PFAS: variants seen among roughly 807,000 people sequenced by gnomAD.
PFAS encodes FGAM synthase.
A neutral mutation model predicts 140.6 loss-of-function variants in PFAS; 97 were observed. The observed-to-expected ratio is 0.69, with a 90% CI of 0.59 to 0.82. The LOEUF (loss-of-function observed/expected upper bound fraction) is 0.82. PFAS is among the 40% of genes least tolerant of loss of function. The pLI is 0.00. For synonymous variants in PFAS, 679 were observed against 718.8 expected, an observed-to-expected ratio of 0.94 and a Z score of 0.88; for missense variants, 1,656 against 1,780.2, an observed-to-expected ratio of 0.93 and a Z score of 1.26.
intron 11 of PFAS, among the ~76,000 whole-genome samples, chr17:8,261,290 G>A (rs2151587309): frequency 6.6e-6 from 1 of 151,484 alleles, no homozygotes. Context: ...AGGCTGGAGT[G>A]CAATGGCGCA....
chr17:8,269,074 G>A lies in PFAS; in HGVS notation c.3827G>A (p.Gly1276Glu). ...PTEQYPLNPN[G>E]SPGGVAGICS... ...GAGCAGTACCCTCTGAATCCCAATG[G>A]GTCCCCAGGGGGCGTGGCTGGCATC... Residue 1276 changes from glycine (G) to glutamate (E), a missense_variant, in exon 28 of 28, where the codon GGG becomes GAG. By Grantham distance (98) the Gly-to-Glu change is moderately conservative. Transcript: ENST00000314666. The A allele has an allele frequency of 6.2e-7, 1 of 1,614,180 alleles. No homozygotes were observed. The highest frequency in any genetic ancestry group is 1.3e-5 in the African/African-American group (1 of 75,048).
chr17:8,268,991 G>C lies in PFAS; in HGVS notation c.3744G>C (p.Gln1248His). 1 of 1,614,210 alleles carries C rather than the reference G, an allele frequency of 6.2e-7. No homozygotes were observed. Among genetic ancestry groups the C allele is most frequent in the Non-Finnish European group, 8.5e-7 (1 of 1,180,026 alleles). The stretch of plus-strand genomic sequence containing the variant: ...TTTCTTCTCCGGAACTCCAAGCTCA[G>C]ATTGAGGCCAGGGGCTTGGCTCCAC... ...VAFSSPELQA[Q>H]IEARGLAPLH... Residue 1248 changes from glutamine to histidine, a missense_variant, in exon 28 of 28, where the codon CAG becomes CAC. Coordinates refer to ENST00000314666, the MANE Select transcript of PFAS (RefSeq NM_012393.3).
Position 8,255,640 on chromosome 17 carries a change from A to G in PFAS, c.523A>G (p.Asn175Asp), listed in dbSNP as rs528011811. Reference protein sequence around the residue: ...SMPEPLNGPINILGEGRLALE... With the variant: ...SMPEPLNGPIDILGEGRLALE... ...GCCGGAACCCCTCAATGGCCCTATC[A>G]ATATACTGGGTGAGGGCCGGCTTGC... Residue 175 changes from asparagine (N) to aspartate (D), a missense_variant, in exon 5 of 28, where the codon AAT (asparagine) becomes GAT (aspartate). By Grantham distance (23) the Asn-to-Asp change is conservative. Around this residue, in one of 2 missense-constraint regions of PFAS, gnomAD observed 773 missense variants for 757.3 expected, o/e 1.02. Transcript: ENST00000314666. The G allele has an allele frequency of 1.2e-4, 193 of 1,582,888 alleles. 3 individuals carry two copies. In the South Asian group the frequency reaches 2.1e-3, roughly 17 times the overall value.
At position 8,269,120 on chromosome 17, in the gene PFAS, C is replaced by T. The variant is rs1055677447; in HGVS notation, c.3873C>T (p.His1291=). 7.4e-6 allele frequency: 12 copies of T among 1,614,076 alleles called. No homozygotes were observed. Among genetic ancestry groups the T allele is most frequent in the Non-Finnish European group, 9.3e-6 (11 of 1,180,030 alleles). The change falls in exon 28 of 28, where the codon CAC becomes CAT. Residue 1291 remains histidine, a synonymous_variant. Coordinates refer to ENST00000314666, the MANE Select transcript of PFAS (RefSeq NM_012393.3). ...GCATCTGCTCCTGTGATGGCCGCCA[C>T]CTGGCTGTCATGCCTCACCCTGAGC... ...VAGICSCDGR[H]LAVMPHPERA... is the part of the protein sequence containing the mutation.
rs1989730401 is a variant in PFAS, at chr17:8,264,501, T to C, written c.1949T>C (p.Leu650Pro). 1 of 1,613,816 alleles carries C rather than the reference T, an allele frequency of 6.2e-7. No individual in the cohort carries two copies. Among genetic ancestry groups the C allele is most frequent in the Non-Finnish European group, 8.5e-7 (1 of 1,179,912 alleles). Reference protein sequence around the residue: ...EFFLQRKPPMLQPLALPPGLS... With the variant: ...EFFLQRKPPMPQPLALPPGLS... ...TTCCTGCAGAGGAAGCCCCCCATGC[T>C]GCAGCCTCTGGCCTTGCCCCCAGGG... The change falls in exon 17 of 28, where the codon CTG becomes CCG. Residue 650 changes from leucine to proline, a missense_variant. Around this residue, in one of 2 missense-constraint regions of PFAS, gnomAD observed 883 missense variants for 1,023.0 expected, o/e 0.86. Coordinates refer to ENST00000314666, the MANE Select transcript of PFAS (RefSeq NM_012393.3).
Position 8,267,691 on chromosome 17 carries a change from CCCTT to C in PFAS, c.3382+29_3382+32del, listed in dbSNP as rs1269795157. ...GTCAGTGTGCAGGCTTCTGCCCACT[CCCTT>C]CCCCCACATTCCTGAAGAGGTGCCT... On this transcript the variant is annotated intron_variant, in intron 26 of 27. Coordinates refer to ENST00000314666, the MANE Select transcript of PFAS (RefSeq NM_012393.3). The surrounding 1 kb of genome is among the most constrained non-coding windows in gnomAD (Gnocchi z 4.9). 7 of 1,275,942 alleles carry C rather than the reference CCCTT, an allele frequency of 5.5e-6. No individual in the cohort carries two copies. Among genetic ancestry groups the C allele is most frequent in the Admixed American group, 3.5e-5 (2 of 56,656 alleles). 79.0% of individuals were successfully genotyped at this position (1,275,942 alleles called of 1,614,324 possible).
rs758967993 is a variant in PFAS at position 8,265,580 on chromosome 17, C to T, written c.2486C>T (p.Ala829Val). The change falls in exon 20 of 28, where the codon GCC becomes GTC. Residue 829 changes from alanine (A) to valine (V), a missense_variant. By Grantham distance (64) the Ala-to-Val change is moderately conservative. Around this residue, in one of 2 missense-constraint regions of PFAS, gnomAD observed 883 missense variants for 1,023.0 expected, o/e 0.86. Transcript: ENST00000314666. ...GGGTCACTGGTCATCTCAGCCTATG[C>T]CGTCTGCCCAGACATCACAGCCACT... ...APGSLVISAY[A>V]VCPDITATVT... is the part of the protein sequence containing the mutation. 5 of 1,614,060 alleles carry T rather than the reference C, an allele frequency of 3.1e-6. No individual in the cohort carries two copies. In the East Asian group the frequency reaches 1.1e-4, roughly 36 times the overall value.
At chr17:8,263,980 TGA>T in intron 15 of PFAS, 44 bp downstream of exon 15, 1 of 1,599,716 alleles carries the variant, frequency 6.3e-7, no homozygotes, top group Non-Finnish European at 8.5e-7. Flanking sequence ...GGGGCAGACA[TGA>T]GCCACCTGGG....
At chr17:8,259,933 T>C (rs914774417) in intron 11 of PFAS, among the ~76,000 whole-genome samples, 2 of 152,142 alleles carry the variant, frequency 1.3e-5, no homozygotes, top group African/African-American at 2.4e-5. Flanking sequence ...AAACCCCCTC[T>C]CTGCCAAAAA....
In PFAS at chr17:8,264,282, T is replaced by C. The variant is rs11078738; in HGVS notation, c.1862T>C (p.Leu621Pro). Reference protein sequence around the residue: ...NGQGDAPPTPLPTPVDLELEW... With the variant: ...NGQGDAPPTPPPTPVDLELEW... ...CAGGGGGATGCCCCCCCGACACCCC[T>C]GCCAACCCCTGTGGACCTGGAGCTC... is the stretch of plus-strand genomic sequence containing the variant. Residue 621 changes from leucine (L) to proline (P), a missense_variant, in exon 16 of 28, where the codon CTG becomes CCG. Leu to Pro is a moderately conservative substitution (Grantham distance 98). Around this residue, in one of 2 missense-constraint regions of PFAS, gnomAD observed 883 missense variants for 1,023.0 expected, o/e 0.86. Coordinates refer to ENST00000314666, the MANE Select transcript of PFAS (RefSeq NM_012393.3). 1,145,621 of 1,613,322 alleles carry C rather than the reference T, an allele frequency of 0.71. 416,567 individuals are homozygous for C. The highest frequency in any genetic ancestry group is 0.76 in the Non-Finnish European group (893,746 of 1,179,624).
rs2151597669 is a variant in PFAS at position 8,267,973 on chromosome 17, ATATAT to A, written c.3382+312_3382+316del. On this transcript the variant is annotated intron_variant, in intron 26 of 27. Coordinates refer to ENST00000314666, the MANE Select transcript of PFAS (RefSeq NM_012393.3). This position sits in a 1 kb window ranked among gnomAD's most constrained non-coding sequence, Gnocchi z 4.9. The stretch of plus-strand genomic sequence containing the variant: ...TATTATTAAAATATATATTATTTAT[ATATAT>A]TATTTATATATTATTAAAATATATT... Among the ~76,000 whole-genome samples, 1 of 143,908 alleles carries A rather than the reference ATATAT, an allele frequency of 6.9e-6. No individual in the cohort carries two copies. Among genetic ancestry groups the A allele is most frequent in the African/African-American group, 2.5e-5 (1 of 39,574 alleles). 94.4% of individuals were successfully genotyped at this position (143,908 alleles called of 152,430 possible).
chr17:8,267,068 C>T lies in PFAS; in HGVS notation c.3008C>T (p.Pro1003Leu), dbSNP rs952778856. The T allele has an allele frequency of 1.2e-6, 2 of 1,613,898 alleles. No homozygotes were observed. Among genetic ancestry groups the T allele is most frequent in the African/African-American group, 1.3e-5 (1 of 74,904 alleles). The change falls in exon 24 of 28, where the codon CCT becomes CTT. Residue 1003 changes from proline to leucine, a missense_variant. Around this residue, in one of 2 missense-constraint regions of PFAS, gnomAD observed 883 missense variants for 1,023.0 expected, o/e 0.86. Coordinates refer to ENST00000314666, the MANE Select transcript of PFAS (RefSeq NM_012393.3). This position sits in a 1 kb window ranked among gnomAD's most constrained non-coding sequence, Gnocchi z 4.9. Reference sequence around the variant, plus strand: ...AACGGGGCTGTGGTTCTGGAGGAGCCTGTTGGGGAGCTGCGAGCCCTCTGG... The same window carrying T: ...AACGGGGCTGTGGTTCTGGAGGAGCTTGTTGGGGAGCTGCGAGCCCTCTGG... ...SVNGAVVLEE[P>L]VGELRALWEE...
chr17:8,255,412 C>A, intron 4 of PFAS, 90 bp from the exon 5 acceptor site: 1 of 1,030,840 alleles, frequency 9.7e-7, no homozygotes, highest in African/African-American at 1.6e-5. Context: ...AGTGGGCTAG[C>A]CTTGCATGAC....
chr17:8,260,284 G>A (rs1989540788), intron 11 of PFAS, among the ~76,000 whole-genome samples: 2 of 152,222 alleles, frequency 1.3e-5, no homozygotes, highest in Admixed American at 1.3e-4. Context: ...GATGCCACTA[G>A]GCAATAGGAA....
chr17:8,251,141 C>T (rs1455959523), intron 1 of PFAS, among the ~76,000 whole-genome samples: 8 of 152,082 alleles, frequency 5.3e-5, no homozygotes, highest in South Asian at 2.1e-4. Flanking sequence ...CAAAAATTAG[C>T]TGGTCATGGT....
upstream of PFAS, among the ~76,000 whole-genome samples, chr17:8,248,651 G>A (rs1316278354): frequency 3.3e-5 from 5 of 151,742 alleles, no homozygotes; most frequent in East Asian, 7.7e-4. Context: ...TCGACCTCCC[G>A]GGCTCAAGCG....
In PFAS at chr17:8,257,866, C is replaced by T. The variant is rs529280023; in HGVS notation, c.1135C>T (p.Leu379=). 6.2e-7 allele frequency: 1 copy of T among 1,614,174 alleles called. No homozygotes were observed. The highest frequency in any genetic ancestry group is 8.5e-7 in the Non-Finnish European group (1 of 1,180,008). ...FQYPGNFARP[L]EVAIEASNGA... ...GTATCCTGGGAATTTTGCCCGGCCCCTGGAGGTTGCCATTGAAGCCAGTAA... is the reference window on the plus strand; with the variant it reads ...GTATCCTGGGAATTTTGCCCGGCCCTTGGAGGTTGCCATTGAAGCCAGTAA... Residue 379 remains leucine, a synonymous_variant, in exon 10 of 28, where the codon CTG becomes TTG. Coordinates refer to ENST00000314666, the MANE Select transcript of PFAS (RefSeq NM_012393.3).
chr17:8,266,589 A>T lies in PFAS; in HGVS notation c.2822-164A>T, dbSNP rs1989822880. The T allele has an allele frequency of 1.4e-6, 2 of 1,464,722 alleles. No individual in the cohort carries two copies. Among genetic ancestry groups the T allele is most frequent in the Admixed American group, 5.2e-5 (2 of 38,388 alleles). 90.7% of individuals were successfully genotyped at this position (1,464,722 alleles called of 1,614,324 possible). A position where few individuals can be genotyped will look rare whatever the true frequency, so the allele number is the denominator to read the frequency against. Reference sequence around the variant, plus strand: ...ATCCCTGAGATGTCCATGATGAAACATCCTCAGTCCTGCCGTCCTAGCCCT... The same window carrying T: ...ATCCCTGAGATGTCCATGATGAAACTTCCTCAGTCCTGCCGTCCTAGCCCT... On this transcript the variant is annotated intron_variant, in intron 22 of 27. Transcript: ENST00000314666. The surrounding 1 kb of genome is among the most constrained non-coding windows in gnomAD (Gnocchi z 5.0).
chr17:8,264,384 C>A (rs773311034), intron 16 of PFAS, 47 bp downstream of exon 16: 1 of 1,612,206 alleles, frequency 6.2e-7, no homozygotes, highest in South Asian at 1.1e-5. Flanking sequence ...CCTCTCCACA[C>A]CACCCTTTAC....
Sources: allele counts gnomAD v4.1 joint callset (sites outside exome capture counted in the v4.1 genomes callset), GRCh38; gene constraint gnomAD v4.1.1; regional missense constraint gnomAD v4.1.1; non-coding constraint Gnocchi (gnomAD v3.1); transcripts MANE v1.5; gene names NCBI Gene and HGNC (gene_info 2026-07-23, HGNC 2026-07-21).